Variants in DYRK1B observed in about 807,000 individuals in gnomAD.
The protein encoded by DYRK1B is dual specificity tyrosine phosphorylation regulated kinase 1B, also known as dual specificity tyrosine-phosphorylation-regulated kinase 1B.
DYRK1B carries 20 observed loss-of-function variants against 57.1 expected under a neutral mutation model. The observed-to-expected ratio is 0.35, with a 90% CI of 0.25 to 0.51. DYRK1B has a LOEUF of 0.51. Ranked by LOEUF, DYRK1B falls within the 20% of genes least tolerant of loss-of-function variation. The pLI, the probability that DYRK1B is intolerant of heterozygous loss-of-function variation, is 0.96. For missense variants in DYRK1B, 732 were observed against 886.3 expected (o/e 0.83, Z 2.21); for synonymous variants, 409 against 384.7 (o/e 1.06, Z -0.74).
Position 39,825,612 on chromosome 19 carries a change from G to C in DYRK1B, c.*103C>G. On this transcript the variant is annotated 3_prime_UTR_variant, in exon 11 of 11. Transcript: ENST00000323039. ...GTGCAGGCCTCACCCACCCCAGCTGGGTAGCAGCAATTCCAGTCAAGGAGA... is the reference window on the plus strand; with the variant it reads ...GTGCAGGCCTCACCCACCCCAGCTGCGTAGCAGCAATTCCAGTCAAGGAGA... 1 of 1,297,862 alleles carries C rather than the reference G, an allele frequency of 7.7e-7. No individual in the cohort carries two copies. Among genetic ancestry groups the C allele is most frequent in the South Asian group, 1.3e-5 (1 of 74,876 alleles). 80.4% of individuals were successfully genotyped at this position (1,297,862 alleles called of 1,614,324 possible).
rs370916863 is a variant in DYRK1B, at chr19:39,825,953, C to G, written c.1652G>C (p.Arg551Pro). The change falls in exon 11 of 11, where the codon CGT becomes CCT. Residue 551 changes from arginine (R) to proline (P), a missense_variant. By Grantham distance (103) the Arg-to-Pro change is moderately radical. This residue lies in a region of DYRK1B where 222 missense variants were observed against 205.0 expected (regional missense o/e 1.08). Transcript: ENST00000323039. ...QLPPQPRYLG[R>P]PPSPTSPPPP... ...TGGTGGTGAGGTTGGTGATGGGGGA[C>G]GACCAAGGTATCGGGGCTGGGGGGG... 7.2e-6 allele frequency: 11 copies of G among 1,523,914 alleles called. No homozygotes were observed. Among genetic ancestry groups the G allele is most frequent in the South Asian group, 1.3e-5 (1 of 76,916 alleles). 94.4% of individuals were successfully genotyped at this position (1,523,914 alleles called of 1,614,324 possible). A position where few individuals can be genotyped will look rare whatever the true frequency, so the allele number is the denominator to read the frequency against.
chr19:39,826,371 C>CG lies in DYRK1B; in HGVS notation c.1412-86dup. 8.9e-7 allele frequency: 1 copy of CG among 1,128,650 alleles called. No individual in the cohort carries two copies. 69.9% of individuals were successfully genotyped at this position (1,128,650 alleles called of 1,614,324 possible). On this transcript the variant is annotated intron_variant, in intron 9 of 10. Transcript: ENST00000323039. The surrounding 1 kb of genome is among the most constrained non-coding windows in gnomAD (Gnocchi z 6.3). The stretch of plus-strand genomic sequence containing the variant: ...TTTTGGGATGGCTGAGGGAAGGTCA[C>CG]GGCCCAGGCTCAGGTTCAGGCTTCA...
intron 8 of DYRK1B, 34 bp downstream of exon 8, chr19:39,827,251 G>T (rs747223319): frequency 1.1e-5 from 18 of 1,585,178 alleles, no homozygotes; most frequent in Non-Finnish European, 1.5e-5. Context: ...AGGGGCCACG[G>T]GGTGGGAGGA....
rs1473443856 is a variant in DYRK1B at position 39,830,453 on chromosome 19, G to A, written c.294C>T (p.Asp98=). The part of the protein sequence containing the change: ...LNHGYDDDNH[D]YIVRSGERWL... ...AGCGCTCGCCACTGCGCACGATGTA[G>A]TCATGGTTGTCGTCATCATAACCAT... The change falls in exon 4 of 11, where the codon GAC becomes GAT. Residue 98 remains aspartate (D), a synonymous_variant. Transcript: ENST00000323039. The A allele has an allele frequency of 6.2e-7, 1 of 1,614,222 alleles. No homozygotes were observed. Among genetic ancestry groups the A allele is most frequent in the Admixed American group, 1.7e-5 (1 of 60,028 alleles).
intron 1 of DYRK1B, chr19:39,833,332 C>T: frequency 1.0e-6 from 1 of 985,586 alleles, no homozygotes; most frequent in Non-Finnish European, 1.2e-6. Context: ...GTGGGGTGGG[C>T]GAGCGGCCAG....
Position 39,826,269 on chromosome 19 carries a change from A to G in DYRK1B, c.1429T>C (p.Ser477Pro), listed in dbSNP as rs140729829. 3.7e-5 allele frequency: 59 copies of G among 1,585,996 alleles called. No homozygotes were observed. Among genetic ancestry groups the G allele is most frequent in the Non-Finnish European group, 3.4e-6 (4 of 1,169,774 alleles). ...TAGCGGTAGGTCCGGTTGTCACTGG[A>G]GGAGCCACTGGAGCCTCCTGGAAGT... The part of the protein sequence containing the change: ...ISSSGGSSGS[S>P]SDNRTYRYSN... Residue 477 changes from serine (S) to proline (P), a missense_variant, in exon 10 of 11, where the codon TCC becomes CCC. This residue lies in a region of DYRK1B where 510 missense variants were observed against 681.3 expected (regional missense o/e 0.75). Coordinates refer to ENST00000323039, the MANE Select transcript of DYRK1B (RefSeq NM_004714.3). This position sits in a 1 kb window ranked among gnomAD's most constrained non-coding sequence, Gnocchi z 6.3.
chr19:39,832,109 A>G (rs1968846844), intron 1 of DYRK1B, 141 bp from the exon 2 acceptor site: 1 of 621,738 alleles, frequency 1.6e-6, no homozygotes, highest in Non-Finnish European at 2.1e-6. Context: ...ATAGCAATGA[A>G]GAGAAGGGGC....
In DYRK1B at chr19:39,828,252, C is replaced by A; in HGVS notation, c.807+45G>T. The A allele has an allele frequency of 6.3e-7, 1 of 1,598,836 alleles. No individual in the cohort carries two copies. Among genetic ancestry groups the A allele is most frequent in the South Asian group, 1.1e-5 (1 of 88,848 alleles). On this transcript the variant is annotated intron_variant, in intron 6 of 10. Coordinates refer to ENST00000323039, the MANE Select transcript of DYRK1B (RefSeq NM_004714.3). This position sits in a 1 kb window ranked among gnomAD's most constrained non-coding sequence, Gnocchi z 4.3. ...CCTAAGCCTCCCGTTGGCTCTGCCCCACCCAAACTACTAGCCGTGCTCCCA... is the reference window on the plus strand; with the variant it reads ...CCTAAGCCTCCCGTTGGCTCTGCCCAACCCAAACTACTAGCCGTGCTCCCA...
At chr19:39,831,583 A>T (rs55793587) in intron 2 of DYRK1B, among the ~76,000 whole-genome samples, 152 of 152,348 alleles carry the variant, frequency 1.0e-3, no homozygotes, top group Non-Finnish European at 1.9e-3. Context: ...CAACTCAAGT[A>T]TGGAGAACCT....
Position 39,827,442 on chromosome 19 carries a change from G to C in DYRK1B, c.955-17C>G, listed in dbSNP as rs768139049. On this transcript the variant is annotated splice_polypyrimidine_tract_variant and intron_variant, in intron 7 of 10. Transcript: ENST00000323039. ...CTGGTCGACCTGTGAGCAGGCAGGG[G>C]TCAAGGTCATCAGGCCAGCCAGGCT... 2.5e-6 allele frequency: 4 copies of C among 1,610,636 alleles called. No homozygotes were observed. Among genetic ancestry groups the C allele is most frequent in the Non-Finnish European group, 3.4e-6 (4 of 1,177,310 alleles).
chr19:39,826,289 G>C lies in DYRK1B; in HGVS notation c.1412-3C>G. 1.3e-6 allele frequency: 2 copies of C among 1,568,542 alleles called. No individual in the cohort carries two copies. The highest frequency in any genetic ancestry group is 1.7e-6 in the Non-Finnish European group (2 of 1,162,246). On this transcript the variant is annotated splice_polypyrimidine_tract_variant and splice_region_variant and intron_variant, in intron 9 of 10. Coordinates refer to ENST00000323039, the MANE Select transcript of DYRK1B (RefSeq NM_004714.3). The surrounding 1 kb of genome is among the most constrained non-coding windows in gnomAD (Gnocchi z 6.3). ...ACTGGAGGAGCCACTGGAGCCTCCT[G>C]GAAGTGCCAGGGAGGAGAGGTGAAG...
chr19:39,831,709 T>C (rs1403006365), intron 2 of DYRK1B, 96 bp downstream of exon 2: 2 of 1,451,278 alleles, frequency 1.4e-6, no homozygotes, highest in African/African-American at 1.4e-5. Flanking sequence ...CCCAGAAGAA[T>C]GTCTTGGGCA....
chr19:39,827,680 G>A, intron 6 of DYRK1B, 24 bp from the exon 7 acceptor site: 1 of 1,606,812 alleles, frequency 6.2e-7, no homozygotes, highest in Non-Finnish European at 8.5e-7. Flanking sequence ...AATCGTCAAG[G>A]GACCCAGCCT....
Position 39,829,971 on chromosome 19 carries a change from C to T in DYRK1B, c.429G>A (p.Lys143=), listed in dbSNP as rs776537297. ...CCTGGTTCAGGAAAGCCTTTTTGTT[C>T]TTGATGATCTTGATGGCCACAAGCT... ...TQELVAIKII[K]NKKAFLNQAQ... The change falls in exon 5 of 11, where the codon AAG becomes AAA. Residue 143 remains lysine, a synonymous_variant. Coordinates refer to ENST00000323039, the MANE Select transcript of DYRK1B (RefSeq NM_004714.3). 23 of 1,613,986 alleles carry T rather than the reference C, an allele frequency of 1.4e-5. No homozygotes were observed. Among genetic ancestry groups the T allele is most frequent in the Non-Finnish European group, 1.9e-5 (22 of 1,180,016 alleles).
chr19:39,832,056 CAG>C, intron 1 of DYRK1B, 88 bp from the exon 2 acceptor site: 1 of 1,330,074 alleles, frequency 7.5e-7, no homozygotes, highest in Non-Finnish European at 9.7e-7. Flanking sequence ...ATGAGAAAGA[CAG>C]GGCACAGAGA....
At position 39,829,533 on chromosome 19, in the gene DYRK1B, GTTTGT is replaced by G. The variant is rs768650428; in HGVS notation, c.520+342_520+346del. Among the ~76,000 whole-genome samples the G allele has an allele frequency of 3.1e-3, 463 of 151,778 alleles. 4 individuals carry two copies. Among genetic ancestry groups the G allele is most frequent in the Non-Finnish European group, 7.2e-4 (49 of 67,810 alleles). On this transcript the variant is annotated intron_variant, in intron 5 of 10. Coordinates refer to ENST00000323039, the MANE Select transcript of DYRK1B (RefSeq NM_004714.3). Reference sequence around the variant, plus strand: ...TGAGCCACTGTGCCCAGCCCGTTTTGTTTGTTTTATTGAAGAAGAAACTAGGATGG... The same window carrying G: ...TGAGCCACTGTGCCCAGCCCGTTTTGTTTATTGAAGAAGAAACTAGGATGG...
In DYRK1B at chr19:39,827,275, G is replaced by T; in HGVS notation, c.1095+10C>A. 6.2e-7 allele frequency: 1 copy of T among 1,603,316 alleles called. No individual in the cohort carries two copies. Among genetic ancestry groups the T allele is most frequent in the Non-Finnish European group, 8.5e-7 (1 of 1,172,920 alleles). On this transcript the variant is annotated intron_variant, in intron 8 of 10. Coordinates refer to ENST00000323039, the MANE Select transcript of DYRK1B (RefSeq NM_004714.3). ...GGGGTGGGAGGAGTGGCATGGGGCA[G>T]GGGCCGCACCTTCCTGAGTTCTTTC...
In DYRK1B at chr19:39,825,887, G is replaced by C. The variant is rs1236287085; in HGVS notation, c.1718C>G (p.Ala573Gly). 1.6e-5 allele frequency: 25 copies of C among 1,584,572 alleles called. No individual in the cohort carries two copies. Among genetic ancestry groups the C allele is most frequent in the Middle Eastern group, 1.7e-4 (1 of 5,904 alleles). Residue 573 changes from alanine (A) to glycine (G), a missense_variant, in exon 11 of 11, where the codon GCT becomes GGT. This residue lies in a region of DYRK1B where 222 missense variants were observed against 205.0 expected (regional missense o/e 1.08). Transcript: ENST00000323039. ...LMDVSLVGGPADCSPPHPAPA... is the reference protein window; with the variant it reads ...LMDVSLVGGPGDCSPPHPAPA... Reference sequence around the variant, plus strand: ...CGCTGGGTGAGGTGGGGAGCAGTCAGCAGGGCCGCCCACCAGGCTCACATC... The same window carrying C: ...CGCTGGGTGAGGTGGGGAGCAGTCACCAGGGCCGCCCACCAGGCTCACATC...
rs548216976 is a variant in DYRK1B, at chr19:39,825,853, G to T, written c.1752C>A (p.Pro584=). 3.1e-6 allele frequency: 5 copies of T among 1,607,130 alleles called. No individual in the cohort carries two copies. The highest frequency in any genetic ancestry group is 1.3e-5 in the African/African-American group (1 of 74,950). Residue 584 remains proline (P), a synonymous_variant, in exon 11 of 11, where the codon CCC becomes CCA. Coordinates refer to ENST00000323039, the MANE Select transcript of DYRK1B (RefSeq NM_004714.3). Reference sequence around the variant, plus strand: ...GGAGGGCTGAGGCAGCCGGGTGCTGGGGGGCAGGCGCTGGGTGAGGTGGGG... The same window carrying T: ...GGAGGGCTGAGGCAGCCGGGTGCTGTGGGGCAGGCGCTGGGTGAGGTGGGG... ...DCSPPHPAPA[P]QHPAASALRT... is the part of the protein sequence containing the mutation.
Sources: allele counts gnomAD v4.1 joint callset (sites outside exome capture counted in the v4.1 genomes callset), GRCh38; gene constraint gnomAD v4.1.1; regional missense constraint gnomAD v4.1.1; non-coding constraint Gnocchi (gnomAD v3.1); transcripts MANE v1.5; gene names NCBI Gene and HGNC (gene_info 2026-07-23, HGNC 2026-07-21).